The following AGBL1 variants were observed in gnomAD, a reference collection of about 807,000 sequenced individuals.
The protein encoded by AGBL1 is cytosolic carboxypeptidase 4.
AGBL1 carries 130 observed loss-of-function variants against 118.9 expected under a neutral mutation model. That is an observed-to-expected ratio of 1.09 (90% CI 0.95 to 1.26). The LOEUF is 1.26. Among genes scored for constraint, AGBL1 ranks in the 50% most tolerant of loss-of-function variants. AGBL1 has a pLI of 0.00. For synonymous variants in AGBL1, 555 were observed against 478.9 expected (o/e 1.16, Z -2.08); for missense variants, 1,584 against 1,298.1 (o/e 1.22, Z -3.38).
chr15:86,547,852 A>G (rs2083606637), intron 20 of AGBL1, among the ~76,000 whole-genome samples: 1 of 152,122 alleles, frequency 6.6e-6, no homozygotes, highest in South Asian at 2.1e-4. Context: ...GGATTCCTTA[A>G]AGGTGATTCA....
chr15:86,625,611 C>T (rs1478920086), intron 21 of AGBL1, among the ~76,000 whole-genome samples: 2 of 151,770 alleles, frequency 1.3e-5, no homozygotes, highest in African/African-American at 2.4e-5. Flanking sequence ...GAATAAGTCT[C>T]ATAAAAAGTA....
chr15:86,847,190 C>G lies in AGBL1; in HGVS notation c.3159-59897C>G, dbSNP rs1435341530. ...TATTTAAGCATAGTGTTGTTTAGTC[C>G]TTTGAACATATTTATAATGGCTACT... On this transcript the variant is annotated intron_variant, in intron 22 of 22. Transcript: ENST00000614907. Among the ~76,000 whole-genome samples, 6 of 152,088 alleles carry G rather than the reference C, an allele frequency of 3.9e-5. No homozygotes were observed. The East Asian group carries it at 9.7e-4, about 25-fold the overall frequency.
At chr15:86,851,356 C>A (rs1478802413) in intron 22 of AGBL1, among the ~76,000 whole-genome samples, 1 of 152,112 alleles carries the variant, frequency 6.6e-6, no homozygotes, top group Non-Finnish European at 1.5e-5. Flanking sequence ...GCCCACCTAA[C>A]CCTGTAGGAG....
intron 18 of AGBL1, among the ~76,000 whole-genome samples, chr15:86,519,109 G>T (rs1366233194): frequency 6.6e-6 from 1 of 152,048 alleles, no homozygotes; most frequent in Non-Finnish European, 1.5e-5. Flanking sequence ...GATATTTGCA[G>T]ATTATTGGTT....
At chr15:86,088,283 A>C (rs1383414727) in intron 1 of AGBL1, 1 of 152,270 alleles carries the variant, frequency 6.6e-6, no homozygotes, top group Admixed American at 6.5e-5. Flanking sequence ...TGCTGCGGCA[A>C]ACTGCCAAGT....
At chr15:86,360,136 T>G (rs1231001805) in intron 17 of AGBL1, among the ~76,000 whole-genome samples, 5 of 151,970 alleles carry the variant, frequency 3.3e-5, no homozygotes, top group Non-Finnish European at 7.4e-5. Flanking sequence ...GAGGGAACAC[T>G]TTTGGCTTTC....
At chr15:87,023,443 T>C (rs28404054) in intron 24 of AGBL1, among the ~76,000 whole-genome samples, 12,105 of 152,092 alleles carry the variant, frequency 0.08, 1,607 homozygotes, top group African/African-American at 0.27. Context: ...CAATCCTGAA[T>C]GTATATGCAC....
chr15:86,298,156 G>GCTGAGAT (rs546918286), intron 17 of AGBL1, among the ~76,000 whole-genome samples: 97 of 149,598 alleles, frequency 6.5e-4, no homozygotes, highest in Middle Eastern at 6.9e-3. Flanking sequence ...CCAGCACAGA[G>GCTGAGAT]CTGAGATTGC....
chr15:86,990,959 G>A lies in AGBL1; in HGVS notation c.3323+2871G>A, dbSNP rs560655824. On this transcript the variant is annotated intron_variant, in intron 24 of 24. Transcript: ENST00000441037. ...TCTTAGGATAGAAATCTCCACTCTG[G>A]CTGTGGATACAAGAGGATTCTGTTA... Among the ~76,000 whole-genome samples the A allele has an allele frequency of 2.0e-5, 3 of 152,264 alleles. No individual in the cohort carries two copies. The East Asian group carries it at 5.8e-4, about 29-fold the overall frequency.
intron 1 of AGBL1, among the ~76,000 whole-genome samples, chr15:86,124,434 T>G (rs148011369): frequency 6.6e-6 from 1 of 152,056 alleles, no homozygotes; most frequent in African/African-American, 2.4e-5. Context: ...TTGACAAATG[T>G]ATCATGCTAT....
chr15:86,376,130 C>T (rs189971560), intron 17 of AGBL1, among the ~76,000 whole-genome samples: 2 of 152,282 alleles, frequency 1.3e-5, no homozygotes, highest in East Asian at 1.9e-4. Flanking sequence ...TTTAAGCCTT[C>T]CTGACAAGTT....
At chr15:86,547,972 C>T (rs1567051594) in intron 20 of AGBL1, among the ~76,000 whole-genome samples, 1 of 152,110 alleles carries the variant, frequency 6.6e-6, no homozygotes, top group Non-Finnish European at 1.5e-5. Context: ...GTATATAACT[C>T]CCTCTATCAC....
intron 22 of AGBL1, among the ~76,000 whole-genome samples, chr15:86,890,051 A>G (rs1350700819): frequency 1.3e-5 from 2 of 152,182 alleles, no homozygotes; most frequent in Admixed American, 1.3e-4. Flanking sequence ...CAGTCTTGCC[A>G]GCATCTGTTG....
chr15:86,419,637 G>T (rs1055595185), intron 18 of AGBL1, among the ~76,000 whole-genome samples: 2 of 152,026 alleles, frequency 1.3e-5, no homozygotes, highest in Non-Finnish European at 2.9e-5. Flanking sequence ...CTGGAAAAGA[G>T]GCTGAAGCCA....
intron 17 of AGBL1, among the ~76,000 whole-genome samples, chr15:86,329,469 G>A (rs1350161547): frequency 6.6e-6 from 1 of 152,016 alleles, no homozygotes; most frequent in Non-Finnish European, 1.5e-5. Flanking sequence ...AAATCTCCAG[G>A]TATTTGGAGC....
At chr15:86,970,152 G>A (rs1389260753) in intron 23 of AGBL1, among the ~76,000 whole-genome samples, 1 of 151,840 alleles carries the variant, frequency 6.6e-6, no homozygotes, top group African/African-American at 2.4e-5. Flanking sequence ...CCCAGGCCAA[G>A]GCAGCATTGG....
At chr15:86,507,143 C>A (rs1408461221) in intron 18 of AGBL1, among the ~76,000 whole-genome samples, 1 of 151,974 alleles carries the variant, frequency 6.6e-6, no homozygotes, top group African/African-American at 2.4e-5. Context: ...TGATTTTCTC[C>A]TTGGATCTTA....
intron 18 of AGBL1, among the ~76,000 whole-genome samples, chr15:86,508,552 A>G (rs2083011209): frequency 8.3e-6 from 1 of 121,162 alleles, no homozygotes; most frequent in South Asian, 2.9e-4. Flanking sequence ...CTTCAAATAT[A>G]AAACAGGATT....
chr15:86,166,449 T>C (rs1411516019), intron 5 of AGBL1, among the ~76,000 whole-genome samples: 2 of 152,176 alleles, frequency 1.3e-5, no homozygotes, highest in Admixed American at 1.3e-4. Flanking sequence ...GGCCTCTGCT[T>C]TGGGCTCTGG....
Sources: gnomAD v4.1 joint callset for allele counts (sites outside exome capture counted in the v4.1 genomes callset) on GRCh38, gnomAD v4.1.1 for gene constraint, MANE v1.5 for transcripts, NCBI Gene and HGNC (gene_info 2026-07-23, HGNC 2026-07-21) for gene names.